The following BAZ2B variants were observed in gnomAD, a reference collection of about 807,000 sequenced individuals.
BAZ2B encodes bromodomain adjacent to zinc finger domain 2B, also known as bromodomain adjacent to zinc finger domain protein 2B.
In BAZ2B, 91 loss-of-function variants were observed where a neutral mutation model predicts 246.0. The observed-to-expected ratio is 0.37, with a 90% CI of 0.31 to 0.44. The LOEUF is 0.44. Among genes scored for constraint, BAZ2B ranks in the 20% least tolerant of loss-of-function variants. The pLI is 1.00. For missense variants in BAZ2B, 2,332 were observed against 2,533.7 expected, an observed-to-expected ratio of 0.92 and a Z score of 1.71; for synonymous variants, 855 against 860.0, an observed-to-expected ratio of 0.99 and a Z score of 0.10.
the BAZ2B span, among the ~76,000 whole-genome samples, chr2:159,700,305 T>G: frequency 1.3e-5 from 2 of 152,246 alleles, no homozygotes; most frequent in Non-Finnish European, 2.9e-5. Flanking sequence ...GGTGTACTAT[T>G]TGCATATGAT....
the BAZ2B span, among the ~76,000 whole-genome samples, chr2:159,649,000 A>T: frequency 0.016 from 2,373 of 152,240 alleles, 57 homozygotes; most frequent in African/African-American, 0.05. Context: ...TTTGTTTTTT[A>T]AATTTTAGTC....
At chr2:159,526,064 G>A (rs1433480839) in intron 2 of BAZ2B, among the ~76,000 whole-genome samples, 1 of 151,916 alleles carries the variant, frequency 6.6e-6, no homozygotes, top group African/African-American at 2.4e-5. Flanking sequence ...ATGAGGGGAT[G>A]GATAAATATA....
At chr2:159,602,206 T>C (rs1430510562) in intron 1 of BAZ2B, among the ~76,000 whole-genome samples, 3 of 152,318 alleles carry the variant, frequency 2.0e-5, no homozygotes, top group East Asian at 3.9e-4. Context: ...TATACCCATA[T>C]TTCTCGCTAT....
intron 3 of BAZ2B, among the ~76,000 whole-genome samples, chr2:159,473,619 C>G (rs2078119324): frequency 6.6e-6 from 1 of 152,044 alleles, no homozygotes; most frequent in African/African-American, 2.4e-5. Flanking sequence ...AATTTGTTTG[C>G]TCTTGCTTCT....
chr2:159,453,093 T>G (rs2075300322), intron 4 of BAZ2B, among the ~76,000 whole-genome samples: 1 of 152,024 alleles, frequency 6.6e-6, no homozygotes, highest in Non-Finnish European at 1.5e-5. Context: ...GAGCAAGATT[T>G]CGTTTCAGAA....
chr2:159,604,857 G>C (rs1693031472), intron 1 of BAZ2B, among the ~76,000 whole-genome samples: 1 of 152,108 alleles, frequency 6.6e-6, no homozygotes, highest in South Asian at 2.1e-4. Context: ...TAAAAAGTTT[G>C]GTGAGGAGGG....
At chr2:159,596,569 G>C (rs927137655) in intron 1 of BAZ2B, among the ~76,000 whole-genome samples, 1 of 151,902 alleles carries the variant, frequency 6.6e-6, no homozygotes. Flanking sequence ...GGGCATTGGG[G>C]AACAGGTGAG....
chr2:159,580,812 G>A (rs1686578478), intron 1 of BAZ2B, among the ~76,000 whole-genome samples: 1 of 152,074 alleles, frequency 6.6e-6, no homozygotes, highest in South Asian at 2.1e-4. Flanking sequence ...AACAAGCAAT[G>A]GGGAAAGGAT....
chr2:159,518,052 C>T (rs2083617129), intron 2 of BAZ2B, among the ~76,000 whole-genome samples: 1 of 152,144 alleles, frequency 6.6e-6, no homozygotes, highest in Admixed American at 6.6e-5. Flanking sequence ...ACATAAGTAG[C>T]TTTGAGTATG....
chr2:159,631,717 TA>T, the BAZ2B span, among the ~76,000 whole-genome samples: 1 of 152,174 alleles, frequency 6.6e-6, no homozygotes, highest in Non-Finnish European at 1.5e-5. Flanking sequence ...ATAATTATAC[TA>T]AAAAAACCTT....
rs2062275436 is a variant in BAZ2B at position 159,383,694 on chromosome 2, AATTT to A, written c.3687-18_3687-15del. The A allele has an allele frequency of 1.9e-6, 3 of 1,600,174 alleles. No individual in the cohort carries two copies. The highest frequency in any genetic ancestry group is 1.7e-5 in the Admixed American group (1 of 58,822). On this transcript the variant is annotated splice_polypyrimidine_tract_variant and intron_variant, in intron 23 of 36. Coordinates refer to ENST00000392783, the MANE Select transcript of BAZ2B (RefSeq NM_013450.4). The stretch of plus-strand genomic sequence containing the variant: ...TTGTCGATTTCACTGCCAATGCAAG[AATTT>A]ATTAAAAAGTGTAAATTAATCAATT...
chr2:159,402,205 T>C (rs1209755145), intron 16 of BAZ2B, among the ~76,000 whole-genome samples: 3 of 152,090 alleles, frequency 2.0e-5, no homozygotes, highest in Non-Finnish European at 4.4e-5. Context: ...CCTAGCACTC[T>C]GGGAGGCCGA....
intron 2 of BAZ2B, among the ~76,000 whole-genome samples, chr2:159,510,133 T>TA (rs1483247008): frequency 6.6e-6 from 1 of 152,126 alleles, no homozygotes; most frequent in Non-Finnish European, 1.5e-5. Flanking sequence ...GATTAGAGGT[T>TA]ACTAGGAGAT....
chr2:159,424,654 T>C (rs2069440112), intron 13 of BAZ2B, among the ~76,000 whole-genome samples: 1 of 152,122 alleles, frequency 6.6e-6, no homozygotes, highest in Admixed American at 6.5e-5. Context: ...GGAGAGTGAT[T>C]AAGAATAGAG....
At chr2:159,699,301 G>T in the BAZ2B span, among the ~76,000 whole-genome samples, 2 of 152,156 alleles carry the variant, frequency 1.3e-5, no homozygotes, top group African/African-American at 4.8e-5. Flanking sequence ...CCAACACTTA[G>T]GGAGGCCAAG....
intron 25 of BAZ2B, among the ~76,000 whole-genome samples, chr2:159,378,636 A>G (rs971772084): frequency 1.3e-5 from 2 of 152,208 alleles, no homozygotes; most frequent in Admixed American, 6.5e-5. Context: ...AAAATGGCAA[A>G]GAACCTGAAT....
intron 3 of BAZ2B, chr2:159,459,769 T>G (rs926082802): frequency 1.3e-5 from 2 of 152,160 alleles, no homozygotes; most frequent in African/African-American, 4.8e-5. Flanking sequence ...ATTACCTGGA[T>G]AGTAGAATGT....
At chr2:159,643,872 A>C in the BAZ2B span, among the ~76,000 whole-genome samples, 1 of 121,278 alleles carries the variant, frequency 8.2e-6, no homozygotes, top group East Asian at 2.2e-4. Flanking sequence ...GTGAAACTCC[A>C]TCACAAAAAA....
chr2:159,472,925 G>A (rs1255097207), intron 3 of BAZ2B, among the ~76,000 whole-genome samples: 1 of 152,164 alleles, frequency 6.6e-6, no homozygotes, highest in Admixed American at 6.5e-5. Context: ...ATGTTCATTA[G>A]GGATATTGGC....
Sources: allele counts gnomAD v4.1 joint callset (sites outside exome capture counted in the v4.1 genomes callset), GRCh38; gene constraint gnomAD v4.1.1; transcripts MANE v1.5; gene names NCBI Gene and HGNC (gene_info 2026-07-23, HGNC 2026-07-21).